Variants in GARRE1 observed in about 807,000 individuals in gnomAD.
The protein encoded by GARRE1 is granule associated Rac and RHOG effector 1.
GARRE1 carries 49 observed loss-of-function variants against 103.2 expected under a neutral mutation model. That is an observed-to-expected ratio of 0.47 (90% CI 0.38 to 0.60). GARRE1 has a LOEUF of 0.60. GARRE1 is among the 20% of genes least tolerant of loss of function. The pLI is 0.00. For missense variants in GARRE1, 1,199 were observed against 1,370.5 expected (o/e 0.87, Z 1.98); for synonymous variants, 505 against 532.8 (o/e 0.95, Z 0.72).
intron 1 of GARRE1, among the ~76,000 whole-genome samples, chr19:34,273,150 C>T (rs1391496775): frequency 1.3e-5 from 2 of 152,090 alleles, no homozygotes; most frequent in Non-Finnish European, 2.9e-5. Flanking sequence ...TGCAGTGAGC[C>T]GAGATTGTGC....
intron 1 of GARRE1, among the ~76,000 whole-genome samples, chr19:34,280,286 G>A (rs2145221568): frequency 6.6e-6 from 1 of 152,326 alleles, no homozygotes; most frequent in African/African-American, 2.4e-5. Context: ...CATGAGATTT[G>A]TGTGGGGACA....
In GARRE1 at chr19:34,342,121, T is replaced by G; in HGVS notation, c.2187T>G (p.Pro729=). ...AGCAGTCCCCAAAGCAGCAACAACC[T>G]CAAGTCCAATACTACCAACACCTAC... ...PQQQSPKQQQ[P]QVQYYQHLLQ... Residue 729 remains proline (P), a synonymous_variant, in exon 10 of 14, where the codon CCT becomes CCG. Transcript: ENST00000299505. 2 of 1,613,882 alleles carry G rather than the reference T, an allele frequency of 1.2e-6. No individual in the cohort carries two copies. Among genetic ancestry groups the G allele is most frequent in the Non-Finnish European group, 1.7e-6 (2 of 1,179,980 alleles).
chr19:34,304,628 T>C (rs933834504), intron 2 of GARRE1, among the ~76,000 whole-genome samples: 1 of 151,994 alleles, frequency 6.6e-6, no homozygotes, highest in African/African-American at 2.4e-5. Context: ...TCCACCTACC[T>C]CGGCCTTCCA....
In GARRE1 at chr19:34,341,775, TGGC is replaced by T. The variant is rs1307554885; in HGVS notation, c.1842_1844del (p.Ala615del). On this transcript the variant is annotated inframe_deletion, in exon 10 of 14. Coordinates refer to ENST00000299505, the MANE Select transcript of GARRE1 (RefSeq NM_014686.5). The stretch of plus-strand genomic sequence containing the variant: ...TCAGCTCAGAATTCCAGTAATACAG[TGGC>T]CAATGGCTTTCTCATGGAGAGGCGT... 12 of 1,614,196 alleles carry T rather than the reference TGGC, an allele frequency of 7.4e-6. No homozygotes were observed. The highest frequency in any genetic ancestry group is 1.0e-5 in the Non-Finnish European group (12 of 1,180,022).
chr19:34,280,686 G>T (rs949060440), intron 1 of GARRE1, among the ~76,000 whole-genome samples: 7 of 152,056 alleles, frequency 4.6e-5, no homozygotes, highest in Non-Finnish European at 1.0e-4. Context: ...TCTTTTTGAT[G>T]CTTAAGTTGT....
At chr19:34,345,596 G>T (rs1008081653) in intron 10 of GARRE1, among the ~76,000 whole-genome samples, 6 of 152,212 alleles carry the variant, frequency 3.9e-5, no homozygotes, top group Admixed American at 3.9e-4. Context: ...GAGGCCAGCG[G>T]ATTGCTTGAG....
chr19:34,336,134 G>T (rs2074160110), intron 8 of GARRE1, among the ~76,000 whole-genome samples: 1 of 152,048 alleles, frequency 6.6e-6, no homozygotes, highest in Non-Finnish European at 1.5e-5. Flanking sequence ...GGGACTACAG[G>T]CATGTGCCAT....
chr19:34,262,941 T>G (rs1478974908), intron 1 of GARRE1, among the ~76,000 whole-genome samples: 1 of 152,058 alleles, frequency 6.6e-6, no homozygotes, highest in Non-Finnish European at 1.5e-5. Context: ...AGGCCAGGCA[T>G]GGTGGCTCAC....
chr19:34,324,608 C>A (rs1445386807), intron 3 of GARRE1, among the ~76,000 whole-genome samples: 1 of 151,614 alleles, frequency 6.6e-6, no homozygotes, highest in Admixed American at 6.6e-5. Flanking sequence ...CTCAAGCAAT[C>A]CTCCTGAGTA....
At chr19:34,351,763 T>G (rs564595668) in intron 13 of GARRE1, among the ~76,000 whole-genome samples, 171 bp downstream of exon 13, 1 of 152,216 alleles carries the variant, frequency 6.6e-6, no homozygotes, top group Non-Finnish European at 1.5e-5. Context: ...TGCTGTCCAG[T>G]GTGATAGCCA....
chr19:34,256,734 C>A (rs892443029), intron 1 of GARRE1, among the ~76,000 whole-genome samples: 1 of 152,038 alleles, frequency 6.6e-6, no homozygotes, highest in Non-Finnish European at 1.5e-5. Context: ...GGGCTACTTA[C>A]AAAGTTCATA....
intron 2 of GARRE1, among the ~76,000 whole-genome samples, chr19:34,317,582 G>A (rs540472764): frequency 6.6e-6 from 1 of 152,322 alleles, no homozygotes; most frequent in African/African-American, 2.4e-5. Flanking sequence ...TTAAGGTGGA[G>A]TTCCTGTCAC....
At chr19:34,277,612 A>G (rs2073824442) in intron 1 of GARRE1, among the ~76,000 whole-genome samples, 1 of 152,138 alleles carries the variant, frequency 6.6e-6, no homozygotes, top group Non-Finnish European at 1.5e-5. Context: ...TAGGCATATA[A>G]TTATATGTTT....
At chr19:34,318,553 G>A (rs1381488338) in intron 2 of GARRE1, among the ~76,000 whole-genome samples, 1 of 152,186 alleles carries the variant, frequency 6.6e-6, no homozygotes, top group African/African-American at 2.4e-5. Context: ...ATCTGCATAA[G>A]CCAAAGAAAT....
chr19:34,284,892 A>G (rs2073877102), intron 1 of GARRE1, among the ~76,000 whole-genome samples: 1 of 152,144 alleles, frequency 6.6e-6, no homozygotes, highest in South Asian at 2.1e-4. Flanking sequence ...TATTAAAATA[A>G]TGATAATAAT....
chr19:34,284,066 G>C (rs879792496), intron 1 of GARRE1, among the ~76,000 whole-genome samples: 7 of 148,674 alleles, frequency 4.7e-5, no homozygotes, highest in Non-Finnish European at 1.0e-4. Context: ...TCCTGACCTC[G>C]TGATCCGCCC....
At chr19:34,272,604 A>G (rs2073794393) in intron 1 of GARRE1, among the ~76,000 whole-genome samples, 1 of 152,198 alleles carries the variant, frequency 6.6e-6, no homozygotes, top group African/African-American at 2.4e-5. Flanking sequence ...ATCAGCAGTG[A>G]TACGGAGTAT....
intron 8 of GARRE1, among the ~76,000 whole-genome samples, chr19:34,336,826 C>T (rs906402720): frequency 8.0e-5 from 12 of 150,792 alleles, no homozygotes; most frequent in Middle Eastern, 3.4e-3. Flanking sequence ...AAAACTTAAT[C>T]AGAATTCTCA....
chr19:34,300,784 T>C lies in GARRE1; in HGVS notation c.311T>C (p.Val104Ala), dbSNP rs769388748. The change falls in exon 2 of 14, where the codon GTG (valine) becomes GCG (alanine). Residue 104 changes from valine (V) to alanine (A), a missense_variant. Physicochemically the swap from Val to Ala is moderately conservative, Grantham distance 64 (BLOSUM62 0). Coordinates refer to ENST00000299505, the MANE Select transcript of GARRE1 (RefSeq NM_014686.5). ...STFLTDLFST[V>A]FRNSHYSKAA... ...TTCCTCACAGATCTCTTCAGCACTG[T>C]GTTCAGGAACTCTCACTACTCAAAG... 6.2e-7 allele frequency: 1 copy of C among 1,614,242 alleles called. No homozygotes were observed. The highest frequency in any genetic ancestry group is 1.1e-5 in the South Asian group (1 of 91,092).
Sources: gnomAD v4.1 joint callset for allele counts (sites outside exome capture counted in the v4.1 genomes callset) on GRCh38, gnomAD v4.1.1 for gene constraint, MANE v1.5 for transcripts, NCBI Gene and HGNC (gene_info 2026-07-23, HGNC 2026-07-21) for gene names.